LRRIQ1: variants seen among roughly 807,000 people sequenced by gnomAD.
LRRIQ1 encodes leucine-rich repeat- and IQ domain-containing protein 1.
In LRRIQ1, 210 loss-of-function variants were observed where a neutral mutation model predicts 211.9. The observed-to-expected ratio is 0.99, with a 90% CI of 0.89 to 1.11. LRRIQ1 has a LOEUF of 1.11. Among genes scored for constraint, LRRIQ1 ranks in the 50% most tolerant of loss-of-function variants. The probability of loss-of-function intolerance (pLI) is 0.00; values close to 1 mark genes in which losing one functional copy is unlikely to be tolerated. For synonymous variants in LRRIQ1, 699 were observed against 650.1 expected (o/e 1.08, Z -1.14); for missense variants, 2,136 against 1,939.5 (o/e 1.10, Z -1.90).
At chr12:85,152,911 T>G in intron 20 of LRRIQ1, 113 bp from the exon 21 acceptor site, 4 of 544,442 alleles carry the variant, frequency 7.3e-6, no homozygotes, top group Non-Finnish European at 1.2e-5. Flanking sequence ...AATTTTAATT[T>G]TATAATGAGT....
intron 26 of LRRIQ1, among the ~76,000 whole-genome samples, chr12:85,242,076 C>A (rs928553458): frequency 6.6e-6 from 1 of 151,868 alleles, no homozygotes; most frequent in Non-Finnish European, 1.5e-5. Flanking sequence ...AAAACAAAGA[C>A]CTAAAAGAAT....
chr12:85,065,376 CTGAG>C lies in LRRIQ1; in HGVS notation c.2508_2511del (p.Ser837IlefsTer36), dbSNP rs754325609. The C allele has an allele frequency of 1.2e-6, 2 of 1,610,066 alleles. No individual in the cohort carries two copies. Among genetic ancestry groups the C allele is most frequent in the Non-Finnish European group, 1.7e-6 (2 of 1,177,524 alleles). On this transcript the variant is annotated frameshift_variant, in exon 9 of 27. Transcript: ENST00000393217. LOFTEE classifies it high-confidence loss of function. ...CTGTGGATTAACTTCTTTGCACAGC[CTGAG>C]TAATTGTAAAAAACTTAAGTACATT...
intron 24 of LRRIQ1, among the ~76,000 whole-genome samples, chr12:85,215,104 G>T (rs1315595069): frequency 6.6e-6 from 1 of 152,042 alleles, no homozygotes; most frequent in Non-Finnish European, 1.5e-5. Context: ...CCAGAGAAAG[G>T]CTAATTAAAA....
At chr12:85,091,306 G>A (rs1885367723) in intron 11 of LRRIQ1, among the ~76,000 whole-genome samples, 1 of 152,148 alleles carries the variant, frequency 6.6e-6, no homozygotes, top group Non-Finnish European at 1.5e-5. Flanking sequence ...CCTTTGAGAA[G>A]TGTCTGTTTA....
intron 23 of LRRIQ1, among the ~76,000 whole-genome samples, chr12:85,156,791 G>C (rs183623470): frequency 6.7e-6 from 1 of 149,226 alleles, no homozygotes; most frequent in East Asian, 1.9e-4. Flanking sequence ...AAACTGCTGC[G>C]AGACTAACTA....
intron 1 of LRRIQ1, among the ~76,000 whole-genome samples, chr12:85,251,600 T>C (rs1177494720): frequency 6.6e-6 from 1 of 151,952 alleles, no homozygotes; most frequent in Admixed American, 6.6e-5. Context: ...AAAGGCAGCC[T>C]GGCATAGTGG....
intron 26 of LRRIQ1, among the ~76,000 whole-genome samples, chr12:85,238,440 A>G (rs1283765433): frequency 1.3e-5 from 2 of 152,278 alleles, no homozygotes; most frequent in African/African-American, 4.8e-5. Context: ...CTCATAATCA[A>G]ATTGCTGAAA....
intron 24 of LRRIQ1, among the ~76,000 whole-genome samples, chr12:85,212,923 G>A (rs1893906675): frequency 4.0e-5 from 6 of 150,560 alleles, no homozygotes; most frequent in Middle Eastern, 6.8e-3. Context: ...GTACTCTATC[G>A]AATATGGAGT....
At chr12:85,130,780 A>T (rs1888693469) in intron 18 of LRRIQ1, among the ~76,000 whole-genome samples, 1 of 152,172 alleles carries the variant, frequency 6.6e-6, no homozygotes, top group East Asian at 1.9e-4. Context: ...GATCAAAATG[A>T]AAGGTTTTGT....
chr12:85,124,945 G>A (rs1474338910), intron 17 of LRRIQ1: 12 of 183,934 alleles, frequency 6.5e-5, no homozygotes, highest in African/African-American at 2.2e-4. Flanking sequence ...TTGGGAGGCC[G>A]AGGCGGGCGG....
intron 1 of LRRIQ1, among the ~76,000 whole-genome samples, chr12:85,254,709 A>G (rs879128843): frequency 6.6e-6 from 1 of 152,090 alleles, no homozygotes; most frequent in African/African-American, 2.4e-5. Flanking sequence ...CATCTTAGAG[A>G]AAATGTCATT....
intron 24 of LRRIQ1, among the ~76,000 whole-genome samples, chr12:85,197,984 A>G (rs1230631737): frequency 9.8e-6 from 1 of 101,860 alleles, no homozygotes; most frequent in Non-Finnish European, 1.8e-5. Flanking sequence ...ATATAATTAT[A>G]TTATATATTA....
intron 19 of LRRIQ1, among the ~76,000 whole-genome samples, chr12:85,141,158 C>A (rs527420962): frequency 6.6e-6 from 1 of 151,144 alleles, no homozygotes; most frequent in African/African-American, 2.4e-5. Context: ...CTTTGTTGTT[C>A]AAAATTTTGT....
At chr12:85,240,794 G>A (rs1387196696) in intron 26 of LRRIQ1, among the ~76,000 whole-genome samples, 1 of 151,986 alleles carries the variant, frequency 6.6e-6, no homozygotes, top group Non-Finnish European at 1.5e-5. Flanking sequence ...ATTAATATAA[G>A]ATCCTTAAGC....
Position 85,229,572 on chromosome 12 carries a change from GA to G in LRRIQ1, c.4880del (p.Asn1627IlefsTer24). The G allele has an allele frequency of 6.2e-7, 1 of 1,612,568 alleles. No homozygotes were observed. Among genetic ancestry groups the G allele is most frequent in the East Asian group, 2.2e-5 (1 of 44,802 alleles). ...CCACTGCAAATGAAAAATTAGAACG[GA>G]ATAGAGAATATACATACCAATGGCT... is the stretch of plus-strand genomic sequence containing the variant. ...DTTANEKLER[N>X]REYTYQWLHT... is the part of the protein sequence containing the mutation. On this transcript the variant is annotated frameshift_variant, in exon 25 of 27. Coordinates refer to ENST00000393217, the MANE Select transcript of LRRIQ1 (RefSeq NM_001079910.2). LOFTEE classifies it high-confidence loss of function.
At chr12:85,152,399 CGATCTT>C (rs1890302785) in intron 20 of LRRIQ1, 30 bp downstream of exon 20, 2 of 1,533,596 alleles carry the variant, frequency 1.3e-6, no homozygotes. Flanking sequence ...TCTGAGTCCT[CGATCTT>C]TGCTCATTTC....
intron 11 of LRRIQ1, among the ~76,000 whole-genome samples, chr12:85,088,761 G>T (rs1783946068): frequency 6.6e-6 from 1 of 152,142 alleles, no homozygotes; most frequent in East Asian, 1.9e-4. Flanking sequence ...TGGTGTAGAG[G>T]AATGCTTGTG....
At chr12:85,271,416 C>T in the LRRIQ1 span, among the ~76,000 whole-genome samples, 1 of 152,278 alleles carries the variant, frequency 6.6e-6, no homozygotes, top group Non-Finnish European at 1.5e-5. Flanking sequence ...AATTTAATCA[C>T]TCTTTCTTAT....
intron 23 of LRRIQ1, among the ~76,000 whole-genome samples, chr12:85,158,570 AATTAT>A (rs1364293151): frequency 6.6e-6 from 1 of 152,030 alleles, no homozygotes; most frequent in African/African-American, 2.4e-5. Flanking sequence ...GCTTAACTAA[AATTAT>A]ATTATTTAAA....
Sources: gnomAD v4.1 joint callset for allele counts (sites outside exome capture counted in the v4.1 genomes callset) on GRCh38, gnomAD v4.1.1 for gene constraint, MANE v1.5 for transcripts, NCBI Gene and HGNC (gene_info 2026-07-23, HGNC 2026-07-21) for gene names.